The following COL22A1 variants were observed in gnomAD, a reference collection of about 807,000 sequenced individuals.
COL22A1 encodes collagen type XXII alpha 1 chain, also known as collagen alpha-1(XXII) chain.
A neutral mutation model predicts 248.9 loss-of-function variants in COL22A1; 221 were observed. That is an observed-to-expected ratio of 0.89 (90% CI 0.80 to 0.99). The LOEUF is 0.99. Ranked by LOEUF, COL22A1 falls within the 50% of genes least tolerant of loss-of-function variation. The pLI is 0.00. For missense variants in COL22A1, 2,240 were observed against 2,179.0 expected (o/e 1.03, Z -0.56); for synonymous variants, 891 against 793.4 (o/e 1.12, Z -2.07).
At chr8:138,901,499 T>A (rs1814566809) in intron 1 of COL22A1, among the ~76,000 whole-genome samples, 1 of 151,868 alleles carries the variant, frequency 6.6e-6, no homozygotes, top group Non-Finnish European at 1.5e-5. Flanking sequence ...CCCAGGTAGC[T>A]GAGACTACAG....
intron 3 of COL22A1, among the ~76,000 whole-genome samples, chr8:138,859,407 G>C (rs569443325): frequency 6.6e-6 from 1 of 152,332 alleles, no homozygotes; most frequent in East Asian, 1.9e-4. Context: ...GGACAGAACG[G>C]GATATGGCTG....
At chr8:138,867,745 T>G (rs534866227) in intron 3 of COL22A1, among the ~76,000 whole-genome samples, 2 of 152,280 alleles carry the variant, frequency 1.3e-5, no homozygotes, top group African/African-American at 4.8e-5. Context: ...GTAGGTAGTA[T>G]TATTATTGTA....
intron 1 of COL22A1, among the ~76,000 whole-genome samples, chr8:138,911,529 CG>C (rs1156496541): frequency 6.6e-6 from 1 of 152,154 alleles, no homozygotes; most frequent in Non-Finnish European, 1.5e-5. Flanking sequence ...CAGATGACAG[CG>C]GATGACCAGA....
chr8:138,817,499 T>C (rs149602066), intron 7 of COL22A1, among the ~76,000 whole-genome samples: 11 of 152,276 alleles, frequency 7.2e-5, no homozygotes, highest in Non-Finnish European at 1.2e-4. Flanking sequence ...GCACAGCTGG[T>C]ATGCACTGAA....
At chr8:138,746,660 C>A (rs771155223) in intron 22 of COL22A1, among the ~76,000 whole-genome samples, 1 of 152,212 alleles carries the variant, frequency 6.6e-6, no homozygotes, top group Non-Finnish European at 1.5e-5. Context: ...GGGAGCCATC[C>A]TCTGTGTTGC....
At chr8:138,697,485 G>A (rs922102748) in intron 32 of COL22A1, among the ~76,000 whole-genome samples, 1 of 152,118 alleles carries the variant, frequency 6.6e-6, no homozygotes, top group African/African-American at 2.4e-5. Context: ...CCTTCCTCCA[G>A]CAAAGGTTCT....
Position 138,646,699 on chromosome 8 carries a change from A to G in COL22A1, c.3448-17T>C. The G allele has an allele frequency of 6.5e-7, 1 of 1,541,776 alleles. No individual in the cohort carries two copies. Among genetic ancestry groups the G allele is most frequent in the South Asian group, 1.2e-5 (1 of 82,156 alleles). On this transcript the variant is annotated splice_polypyrimidine_tract_variant and intron_variant, in intron 46 of 64. Coordinates refer to ENST00000303045, the MANE Select transcript of COL22A1 (RefSeq NM_152888.3). ...AGCCTCTCCCTGTATCAGGGATACA[A>G]GAAAAAAAAAGAAAACAAGAATGAG...
chr8:138,590,863 G>C (rs1816981041), intron 64 of COL22A1, among the ~76,000 whole-genome samples: 1 of 152,182 alleles, frequency 6.6e-6, no homozygotes, highest in Non-Finnish European at 1.5e-5. Flanking sequence ...CTTTAAAACT[G>C]AAATCCTCTG....
Position 138,796,818 on chromosome 8 carries a change from C to G in COL22A1, c.1596+1G>C. On this transcript the variant is annotated splice_donor_variant, in intron 12 of 64. Transcript: ENST00000303045. LOFTEE classifies it high-confidence loss of function. ...GAGTGTGATAAAAGGAAGATGCTTACCTTTTCACCCTTTTCCCCTTGGCCA... is the reference window on the plus strand; with the variant it reads ...GAGTGTGATAAAAGGAAGATGCTTAGCTTTTCACCCTTTTCCCCTTGGCCA... The G allele has an allele frequency of 1.3e-6, 2 of 1,595,576 alleles. No individual in the cohort carries two copies. Among genetic ancestry groups the G allele is most frequent in the Non-Finnish European group, 1.7e-6 (2 of 1,163,184 alleles).
At chr8:138,597,780 C>T (rs1282289849) in intron 61 of COL22A1, among the ~76,000 whole-genome samples, 1 of 152,198 alleles carries the variant, frequency 6.6e-6, no homozygotes, top group African/African-American at 2.4e-5. Flanking sequence ...CCAGTATTCT[C>T]ATCACCGCCC....
chr8:138,603,392 G>A (rs376021298), intron 59 of COL22A1, among the ~76,000 whole-genome samples: 16 of 152,190 alleles, frequency 1.1e-4, no homozygotes, highest in African/African-American at 3.9e-4. Flanking sequence ...ACAACAAAAG[G>A]CGGCAGGAAA....
chr8:138,900,278 G>A (rs1284519885), intron 1 of COL22A1, among the ~76,000 whole-genome samples: 1 of 152,156 alleles, frequency 6.6e-6, no homozygotes, highest in South Asian at 2.1e-4. Context: ...ATAAAAAAGA[G>A]CTCTGGCCAT....
At chr8:138,797,914 C>A (rs142644519) in intron 11 of COL22A1, among the ~76,000 whole-genome samples, 1 of 151,788 alleles carries the variant, frequency 6.6e-6, no homozygotes, top group African/African-American at 2.4e-5. Flanking sequence ...AAATGTCTCC[C>A]TTTATTGATT....
At chr8:138,666,040 T>A (rs564091393) in intron 41 of COL22A1, among the ~76,000 whole-genome samples, 4 of 151,910 alleles carry the variant, frequency 2.6e-5, no homozygotes, top group East Asian at 1.9e-4. Context: ...AACTAAAAAA[T>A]ATATATATAT....
intron 7 of COL22A1, among the ~76,000 whole-genome samples, chr8:138,820,565 A>G (rs1819031408): frequency 6.6e-6 from 1 of 152,210 alleles, no homozygotes; most frequent in African/African-American, 2.4e-5. Context: ...AGTTATTGCC[A>G]GTTGTTATCC....
At chr8:138,810,133 G>A (rs1818083119) in intron 9 of COL22A1, among the ~76,000 whole-genome samples, 1 of 152,156 alleles carries the variant, frequency 6.6e-6, no homozygotes, top group Non-Finnish European at 1.5e-5. Flanking sequence ...GAAAGGAGGA[G>A]GAAAGAGAGG....
At chr8:138,654,183 A>G (rs1423663800) in intron 45 of COL22A1, among the ~76,000 whole-genome samples, 1 of 152,102 alleles carries the variant, frequency 6.6e-6, no homozygotes, top group East Asian at 1.9e-4. Context: ...AGGGGTGGAG[A>G]TGGCTGGTGG....
chr8:138,716,083 C>T (rs951809508), intron 29 of COL22A1, 144 bp downstream of exon 29: 46 of 672,730 alleles, frequency 6.8e-5, no homozygotes, highest in African/African-American at 5.8e-4. Context: ...TCCCCTTCCC[C>T]GTCCCTTCCA....
intron 40 of COL22A1, among the ~76,000 whole-genome samples, chr8:138,677,674 TA>T (rs1825673356): frequency 6.6e-6 from 1 of 152,264 alleles, no homozygotes; most frequent in Admixed American, 6.5e-5. Flanking sequence ...TGTGCTTGAT[TA>T]GGGGTGTTGC....
Sources: gnomAD v4.1 joint callset for allele counts (sites outside exome capture counted in the v4.1 genomes callset) on GRCh38, gnomAD v4.1.1 for gene constraint, MANE v1.5 for transcripts, NCBI Gene and HGNC (gene_info 2026-07-23, HGNC 2026-07-21) for gene names.